CNTN4: variants seen among roughly 807,000 people sequenced by gnomAD.
CNTN4 encodes the protein contactin-4.
A neutral mutation model predicts 122.5 loss-of-function variants in CNTN4; 77 were observed. The ratio of observed to expected loss-of-function variants is 0.63; its 90% CI spans 0.52 to 0.76. The LOEUF is 0.76. CNTN4 is among the 30% of genes least tolerant of loss of function. The probability of loss-of-function intolerance (pLI) is 0.00; values close to 1 mark genes in which losing one functional copy is unlikely to be tolerated. For synonymous variants in CNTN4, 512 were observed against 447.0 expected (o/e 1.15, Z -1.83); for missense variants, 1,256 against 1,259.1 (o/e 1.00, Z 0.04).
chr3:2,541,267 C>A (rs1474711714), intron 3 of CNTN4, among the ~76,000 whole-genome samples: 1 of 152,048 alleles, frequency 6.6e-6, no homozygotes, highest in African/African-American at 2.4e-5. Flanking sequence ...CCTTCTAGGG[C>A]ACTTTCCTTA....
At chr3:2,522,584 A>G (rs913652980) in intron 3 of CNTN4, among the ~76,000 whole-genome samples, 4 of 152,156 alleles carry the variant, frequency 2.6e-5, no homozygotes, top group African/African-American at 7.2e-5. Context: ...CACTATTTCA[A>G]TGACCGAAGA....
chr3:2,974,665 G>T (rs1239174214), intron 13 of CNTN4, among the ~76,000 whole-genome samples: 1 of 152,198 alleles, frequency 6.6e-6, no homozygotes, highest in African/African-American at 2.4e-5. Context: ...TGGTGATGCT[G>T]AGTTTCTGTG....
At chr3:2,911,558 G>A (rs2151226191) in intron 12 of CNTN4, among the ~76,000 whole-genome samples, 1 of 152,142 alleles carries the variant, frequency 6.6e-6, no homozygotes, top group Non-Finnish European at 1.5e-5. Flanking sequence ...CCAACCAAAG[G>A]AACAAATTAT....
chr3:2,924,548 C>A (rs1264773226), intron 12 of CNTN4, among the ~76,000 whole-genome samples: 4 of 152,076 alleles, frequency 2.6e-5, no homozygotes, highest in Admixed American at 2.6e-4. Flanking sequence ...TAGATATTTT[C>A]CAGGAAAAAT....
At position 2,709,494 on chromosome 3, in the gene CNTN4, C is replaced by T. The variant is rs1292248543; in HGVS notation, c.56-26721C>T. On this transcript the variant is annotated intron_variant, in intron 4 of 24. Coordinates refer to ENST00000418658, the MANE Select transcript of CNTN4 (RefSeq NM_175607.3). This position sits in a 1 kb window ranked among gnomAD's most constrained non-coding sequence, Gnocchi z 5.0. ...TACTGAAACCTAATCCCCGCAATTA[C>T]AGGGTTTTATATCGTTTGCCTCAGG... 1.3e-5 allele frequency among the ~76,000 whole-genome samples: 2 copies of T among 152,186 alleles called. No individual in the cohort carries two copies. Among genetic ancestry groups the T allele is most frequent in the African/African-American group, 4.8e-5 (2 of 41,442 alleles).
At position 2,714,332 on chromosome 3, in the gene CNTN4, G is replaced by T. The variant is rs186446947; in HGVS notation, c.56-21883G>T. Reference sequence around the variant, plus strand: ...CTGGGATTTAAATTCAGACATGTATGATTCCAAACAGTTCTTCATACTGTT... The same window carrying T: ...CTGGGATTTAAATTCAGACATGTATTATTCCAAACAGTTCTTCATACTGTT... On this transcript the variant is annotated intron_variant, in intron 4 of 24. Coordinates refer to ENST00000418658, the MANE Select transcript of CNTN4 (RefSeq NM_175607.3). Among the ~76,000 whole-genome samples the T allele has an allele frequency of 7.9e-5, 12 of 152,278 alleles. No homozygotes were observed. In the East Asian group the frequency reaches 2.1e-3, roughly 27 times the overall value.
chr3:2,444,498 C>T (rs1480481796), intron 3 of CNTN4, among the ~76,000 whole-genome samples: 1 of 152,072 alleles, frequency 6.6e-6, no homozygotes, highest in South Asian at 2.1e-4. Context: ...AGAAAGGCAA[C>T]CAGTGACGCT....
At chr3:2,381,848 C>G (rs1299288739) in intron 3 of CNTN4, among the ~76,000 whole-genome samples, 2 of 151,996 alleles carry the variant, frequency 1.3e-5, no homozygotes, top group Non-Finnish European at 2.9e-5. Context: ...ATTTTAATAT[C>G]TTAGCCAAGA....
chr3:2,905,263 T>G (rs2094216965), intron 12 of CNTN4, among the ~76,000 whole-genome samples: 2 of 152,236 alleles, frequency 1.3e-5, no homozygotes, highest in South Asian at 4.1e-4. Flanking sequence ...CTGTTTAAGC[T>G]GCTATAACAA....
intron 14 of CNTN4, among the ~76,000 whole-genome samples, chr3:3,006,083 T>C (rs376362236): frequency 4.6e-5 from 7 of 151,764 alleles, no homozygotes; most frequent in South Asian, 2.1e-4. Flanking sequence ...AGAGACGGGG[T>C]TTCAGGATGG....
At chr3:2,266,665 G>C (rs1471947260) in intron 2 of CNTN4, among the ~76,000 whole-genome samples, 3 of 152,024 alleles carry the variant, frequency 2.0e-5, no homozygotes, top group Non-Finnish European at 4.4e-5. Context: ...TGCCATTGAA[G>C]AATTTATAAT....
intron 2 of CNTN4, among the ~76,000 whole-genome samples, chr3:2,307,214 C>T (rs1185740575): frequency 6.6e-6 from 1 of 151,986 alleles, no homozygotes; most frequent in Non-Finnish European, 1.5e-5. Flanking sequence ...GGCGGGCAGA[C>T]CACAAGGTCA....
intron 2 of CNTN4, among the ~76,000 whole-genome samples, chr3:2,289,336 C>T (rs1482427126): frequency 1.3e-5 from 2 of 152,118 alleles, no homozygotes; most frequent in East Asian, 3.9e-4. Flanking sequence ...CTATGTTTCT[C>T]ATTGCATAGA....
intron 3 of CNTN4, among the ~76,000 whole-genome samples, chr3:2,353,616 C>T (rs2044737136): frequency 6.6e-6 from 1 of 152,032 alleles, no homozygotes; most frequent in South Asian, 2.1e-4. Context: ...GAGGAATGAA[C>T]AACTCCGGAC....
chr3:2,198,140 A>G (rs889345864), intron 2 of CNTN4, among the ~76,000 whole-genome samples: 1 of 152,184 alleles, frequency 6.6e-6, no homozygotes, highest in African/African-American at 2.4e-5. Context: ...ACAAATTCAT[A>G]TTGAACCATA....
intron 3 of CNTN4, among the ~76,000 whole-genome samples, chr3:2,547,659 A>G (rs1321390944): frequency 6.6e-6 from 1 of 152,144 alleles, no homozygotes; most frequent in African/African-American, 2.4e-5. Context: ...AGAGAGGCTC[A>G]ACTGGAAAAA....
intron 10 of CNTN4, among the ~76,000 whole-genome samples, chr3:2,894,664 G>A (rs2094086080): frequency 6.6e-6 from 1 of 152,090 alleles, no homozygotes; most frequent in Admixed American, 6.6e-5. Context: ...CTGAGTAAGA[G>A]CAGATTGAGG....
chr3:2,887,324 G>A (rs2093990175), intron 10 of CNTN4, 100 bp downstream of exon 10: 2 of 1,107,110 alleles, frequency 1.8e-6, no homozygotes, highest in African/African-American at 1.5e-5. Flanking sequence ...GAGAGATGGT[G>A]CAGAATAGGA....
At chr3:2,770,035 GT>G (rs879861029) in intron 6 of CNTN4, among the ~76,000 whole-genome samples, 1,105 of 34,120 alleles carry the variant, frequency 0.032, 18 homozygotes, top group African/African-American at 0.09. Flanking sequence ...TTGTTTGTTT[GT>G]TTTTTTTTTT....
Sources: allele counts gnomAD v4.1 joint callset (sites outside exome capture counted in the v4.1 genomes callset), GRCh38; gene constraint gnomAD v4.1.1; non-coding constraint Gnocchi (gnomAD v3.1); transcripts MANE v1.5; gene names NCBI Gene and HGNC (gene_info 2026-07-23, HGNC 2026-07-21).